DNAH7: variants seen among roughly 807,000 people sequenced by gnomAD.
DNAH7 encodes the protein axonemal beta dynein heavy chain 7.
A neutral mutation model predicts 444.6 loss-of-function variants in DNAH7; 397 were observed. The observed-to-expected ratio is 0.89, with a 90% confidence interval of 0.82 to 0.97. DNAH7 has a LOEUF of 0.97. Ranked by LOEUF, DNAH7 falls within the 50% of genes least tolerant of loss-of-function variation. The probability of loss-of-function intolerance (pLI) is 0.00; values close to 1 mark genes in which losing one functional copy is unlikely to be tolerated. For missense variants in DNAH7, 4,902 were observed against 4,800.8 expected, an observed-to-expected ratio of 1.02 and a Z score of -0.62; for synonymous variants, 1,636 against 1,624.4, an observed-to-expected ratio of 1.01 and a Z score of -0.17.
chr2:195,878,507 G>C (rs985260569), intron 36 of DNAH7, among the ~76,000 whole-genome samples: 6 of 152,094 alleles, frequency 3.9e-5, no homozygotes, highest in Non-Finnish European at 2.9e-5. Context: ...GGCTGAAGTG[G>C]GGGGATCACT....
Position 196,051,201 on chromosome 2 carries a change from G to GTAAA in DNAH7, c.123_126dup (p.Pro43PhefsTer28). 6.2e-7 allele frequency: 1 copy of GTAAA among 1,613,724 alleles called. No homozygotes were observed. The highest frequency in any genetic ancestry group is 1.7e-5 in the Admixed American group (1 of 60,018). Reference sequence around the variant, plus strand: ...GGATAAGTTACCATAGACAGCTGTGGTAAAGCTCTTGCTGGTGCCTTGAAC... The same window carrying GTAAA: ...GGATAAGTTACCATAGACAGCTGTGGTAAATAAAGCTCTTGCTGGTGCCTTGAAC... On this transcript the variant is annotated frameshift_variant, in exon 3 of 65. Transcript: ENST00000312428. LOFTEE classifies it high-confidence loss of function.
intron 15 of DNAH7, among the ~76,000 whole-genome samples, chr2:195,976,756 AGAG>A (rs1559294906): frequency 0.017 from 2,278 of 136,220 alleles, 63 homozygotes; most frequent in African/African-American, 0.056. Flanking sequence ...ACAGAGAGAG[AGAG>A]AGAGAGAGAG....
At chr2:195,785,314 A>T (rs1036274884) in intron 58 of DNAH7, among the ~76,000 whole-genome samples, 1 of 151,878 alleles carries the variant, frequency 6.6e-6, no homozygotes, top group Non-Finnish European at 1.5e-5. Context: ...TTTTACAAAC[A>T]TTTTCTCTCA....
rs747117690 is a variant in DNAH7, at chr2:195,960,593, T to C, written c.2558A>G (p.His853Arg). 1 of 1,614,228 alleles carries C rather than the reference T, an allele frequency of 6.2e-7. No homozygotes were observed. The highest frequency in any genetic ancestry group is 1.1e-5 in the South Asian group (1 of 91,086). ...VICNPGLRPR[H>R]WEAMSAIVGY... ...AACAATGGCAGACATGGCCTCCCAGTGCCTGGGGCGCAAACCAGGATTACA... is the reference window on the plus strand; with the variant it reads ...AACAATGGCAGACATGGCCTCCCAGCGCCTGGGGCGCAAACCAGGATTACA... The change falls in exon 18 of 65, where the codon CAC (histidine) becomes CGC (arginine). Residue 853 changes from histidine (H) to arginine (R), a missense_variant. Physicochemically the swap from His to Arg is conservative, Grantham distance 29. Transcript: ENST00000312428.
chr2:196,029,602 C>T (rs1244893613), intron 5 of DNAH7, among the ~76,000 whole-genome samples: 1 of 151,792 alleles, frequency 6.6e-6, no homozygotes, highest in Non-Finnish European at 1.5e-5. Context: ...AATCCTCACA[C>T]CTATTGTTAA....
intron 30 of DNAH7, 54 bp downstream of exon 30, chr2:195,894,922 C>T: frequency 6.8e-7 from 1 of 1,471,376 alleles, no homozygotes; most frequent in Middle Eastern, 2.1e-4. Context: ...ATGGTACATT[C>T]TACCTTGCAC....
intron 12 of DNAH7, among the ~76,000 whole-genome samples, chr2:195,993,870 T>C (rs1171003146): frequency 6.6e-6 from 1 of 152,196 alleles, no homozygotes; most frequent in African/African-American, 2.4e-5. Context: ...TGTTTACCAG[T>C]GGGTCAGGTG....
chr2:195,779,612 T>C (rs889535865), intron 58 of DNAH7, among the ~76,000 whole-genome samples: 10 of 152,124 alleles, frequency 6.6e-5, no homozygotes, highest in Admixed American at 6.6e-4. Context: ...GTAGGGTTTT[T>C]TTTGTTTGTT....
chr2:195,935,126 C>T (rs567703564), intron 20 of DNAH7, among the ~76,000 whole-genome samples: 1 of 152,266 alleles, frequency 6.6e-6, no homozygotes, highest in Non-Finnish European at 1.5e-5. Flanking sequence ...TCTTGACTAA[C>T]AGATAAATAC....
At chr2:195,758,996 C>T (rs1416846570) in intron 61 of DNAH7, among the ~76,000 whole-genome samples, 1 of 152,218 alleles carries the variant, frequency 6.6e-6, no homozygotes, top group Admixed American at 6.5e-5. Context: ...AAGGCCTAGT[C>T]CTGTGCTAGA....
intron 28 of DNAH7, among the ~76,000 whole-genome samples, chr2:195,898,278 A>G (rs979257729): frequency 1.3e-5 from 2 of 152,252 alleles, no homozygotes; most frequent in South Asian, 2.1e-4. Flanking sequence ...ATAACACATC[A>G]TCTATTCTAT....
intron 2 of DNAH7, among the ~76,000 whole-genome samples, chr2:196,057,626 C>T (rs1179827444): frequency 1.3e-5 from 2 of 152,170 alleles, no homozygotes; most frequent in African/African-American, 4.8e-5. Flanking sequence ...TATTTCAAAA[C>T]ATTAGGAATC....
chr2:195,772,152 G>A (rs1694869986), intron 60 of DNAH7, among the ~76,000 whole-genome samples: 1 of 152,200 alleles, frequency 6.6e-6, no homozygotes, highest in African/African-American at 2.4e-5. Context: ...CAAATAAGCT[G>A]TATGCTTGGC....
chr2:195,880,247 A>C (rs1307312984), intron 36 of DNAH7, among the ~76,000 whole-genome samples: 2 of 152,064 alleles, frequency 1.3e-5, no homozygotes, highest in African/African-American at 4.8e-5. Flanking sequence ...GAATCTTAGG[A>C]TATTTTCCTA....
intron 23 of DNAH7, among the ~76,000 whole-genome samples, chr2:195,922,533 C>T (rs1427371878): frequency 1.3e-5 from 2 of 152,190 alleles, no homozygotes; most frequent in African/African-American, 4.8e-5. Context: ...CAAGGTTATA[C>T]ATCTGGTAAC....
At chr2:196,005,309 T>A (rs138452926) in intron 10 of DNAH7, among the ~76,000 whole-genome samples, 9,151 of 146,606 alleles carry the variant, frequency 0.062, 462 homozygotes, top group East Asian at 0.27. Context: ...CAAACAAAAA[T>A]ATATATATAT....
Position 195,754,625 on chromosome 2 carries a change from C to G in DNAH7, c.11587-111G>C, listed in dbSNP as rs1417513410. The G allele has an allele frequency of 3.9e-6, 4 of 1,017,062 alleles. No homozygotes were observed. In the Admixed American group the frequency reaches 8.6e-5, roughly 22 times the overall value. 63.0% of individuals were successfully genotyped at this position (1,017,062 alleles called of 1,614,324 possible). A position where few individuals can be genotyped will look rare whatever the true frequency, so the allele number is the denominator to read the frequency against. The stretch of plus-strand genomic sequence containing the variant: ...GGCAGGGCTCAGGTGATCCTCTCAC[C>G]TCAGCCTCCCAAGTAGCTGGGAATA... On this transcript the variant is annotated intron_variant, in intron 62 of 64. Transcript: ENST00000312428.
intron 24 of DNAH7, 44 bp downstream of exon 24, chr2:195,922,044 G>T (rs778258098): frequency 9.2e-7 from 1 of 1,087,978 alleles, no homozygotes; most frequent in Non-Finnish European, 1.4e-6. Flanking sequence ...GTACAGGGGT[G>T]AGTGAAAGTT....
At chr2:195,746,623 G>T (rs1285430159) in intron 63 of DNAH7, among the ~76,000 whole-genome samples, 3 of 152,144 alleles carry the variant, frequency 2.0e-5, no homozygotes, top group African/African-American at 2.4e-5. Context: ...AAATGTAAAA[G>T]AATAGAAATT....
Sources: allele counts gnomAD v4.1 joint callset (sites outside exome capture counted in the v4.1 genomes callset), GRCh38; gene constraint gnomAD v4.1.1; transcripts MANE v1.5; gene names NCBI Gene and HGNC (gene_info 2026-07-23, HGNC 2026-07-21).